The following KIRREL3 variants were observed in gnomAD, a reference collection of about 807,000 sequenced individuals.
KIRREL3 encodes kirre like nephrin family adhesion molecule 3.
In KIRREL3, 36 loss-of-function variants were observed where a neutral mutation model predicts 89.7. The ratio of observed to expected loss-of-function variants is 0.40; its 90% CI spans 0.31 to 0.53. KIRREL3 has a LOEUF of 0.53. Ranked by LOEUF, KIRREL3 falls within the 20% of genes least tolerant of loss-of-function variation. KIRREL3 has a pLI of 0.49. For missense variants in KIRREL3, 864 were observed against 1,056.6 expected, an observed-to-expected ratio of 0.82 and a Z score of 2.53; for synonymous variants, 445 against 441.4, an observed-to-expected ratio of 1.01 and a Z score of -0.10.
At position 126,788,793 on chromosome 11, in the gene KIRREL3, G is replaced by A. The variant is rs1448754417; in HGVS notation, c.55+211662C>T. On this transcript the variant is annotated intron_variant, in intron 1 of 16. Coordinates refer to ENST00000525144, the MANE Select transcript of KIRREL3 (RefSeq NM_032531.4). The surrounding 1 kb of genome is among the most constrained non-coding windows in gnomAD (Gnocchi z 4.1). ...CAGGCAGCTGCATGTTGTATTATCC[G>A]CATCATAGGGCAAGGAGAGAGAAAT... Among the ~76,000 whole-genome samples the A allele has an allele frequency of 1.3e-5, 2 of 152,122 alleles. No individual in the cohort carries two copies. Among genetic ancestry groups the A allele is most frequent in the African/African-American group, 4.8e-5 (2 of 41,412 alleles).
chr11:126,742,689 A>C lies in KIRREL3; in HGVS notation c.56-179777T>G, dbSNP rs537102243. On this transcript the variant is annotated intron_variant, in intron 1 of 16. Coordinates refer to ENST00000525144, the MANE Select transcript of KIRREL3 (RefSeq NM_032531.4). This position sits in a 1 kb window ranked among gnomAD's most constrained non-coding sequence, Gnocchi z 5.3. Reference sequence around the variant, plus strand: ...TAACTCCGAATTTTATTTTCTCTCAAATATATATCACCTAGCAGCTAAGAA... The same window carrying C: ...TAACTCCGAATTTTATTTTCTCTCACATATATATCACCTAGCAGCTAAGAA... Among the ~76,000 whole-genome samples, 1 of 152,166 alleles carries C rather than the reference A, an allele frequency of 6.6e-6. No homozygotes were observed. Among genetic ancestry groups the C allele is most frequent in the Non-Finnish European group, 1.5e-5 (1 of 68,026 alleles).
intron 1 of KIRREL3, among the ~76,000 whole-genome samples, chr11:126,815,965 C>T (rs925978237): frequency 6.6e-6 from 1 of 152,192 alleles, no homozygotes; most frequent in African/African-American, 2.4e-5. Context: ...CTTACAGATC[C>T]AGAGCTGAGT....
In KIRREL3 at chr11:126,677,908, C is replaced by G. The variant is rs112966868; in HGVS notation, c.56-114996G>C. Among the ~76,000 whole-genome samples the G allele has an allele frequency of 1.2e-4, 19 of 152,252 alleles. 3 individuals are homozygous for G. The highest frequency in any genetic ancestry group is 4.3e-4 in the African/African-American group (18 of 41,548). On this transcript the variant is annotated intron_variant, in intron 1 of 16. Coordinates refer to ENST00000525144, the MANE Select transcript of KIRREL3 (RefSeq NM_032531.4). This position sits in a 1 kb window ranked among gnomAD's most constrained non-coding sequence, Gnocchi z 5.1. The stretch of plus-strand genomic sequence containing the variant: ...CAGATGATTATGGCTGTTGTCACCA[C>G]CAAGCCCTGTCTTGTCATCAGCCTC...
Position 126,429,074 on chromosome 11 carries a change from G to A in KIRREL3, c.1806+105C>T. The A allele has an allele frequency of 1.1e-5, 8 of 717,388 alleles. No individual in the cohort carries two copies. Among genetic ancestry groups the A allele is most frequent in the South Asian group, 8.8e-5 (5 of 56,960 alleles). The allele number at this position is 717,388 out of a possible 1,614,324, so 44.4% of individuals were successfully genotyped here. On this transcript the variant is annotated intron_variant, in intron 15 of 16. Transcript: ENST00000525144. The surrounding 1 kb of genome is among the most constrained non-coding windows in gnomAD (Gnocchi z 5.2). ...GGGGTGGGCAGGGGGCATCTTGAAC[G>A]CTGCTCTGCTTTTTGGAAGCATCTA...
rs761691948 is a variant in KIRREL3, at chr11:126,609,306, G to A, written c.56-46394C>T. On this transcript the variant is annotated intron_variant, in intron 1 of 16. Transcript: ENST00000525144. This position sits in a 1 kb window ranked among gnomAD's most constrained non-coding sequence, Gnocchi z 5.0. ...CCTCTTGCAGAGAGGGCTAATGTAT[G>A]TCTTCCCCCCGGGCTGGTGGCTGGG... Among the ~76,000 whole-genome samples, 36 of 152,212 alleles carry A rather than the reference G, an allele frequency of 2.4e-4. No homozygotes were observed. The highest frequency in any genetic ancestry group is 9.6e-5 in the African/African-American group (4 of 41,458).
At chr11:126,511,811 C>T (rs1486806772) in intron 4 of KIRREL3, among the ~76,000 whole-genome samples, 1 of 152,216 alleles carries the variant, frequency 6.6e-6, no homozygotes, top group Non-Finnish European at 1.5e-5. Flanking sequence ...AGATTCATTG[C>T]CAGTTTTAAA....
intron 1 of KIRREL3, among the ~76,000 whole-genome samples, chr11:126,966,525 C>T (rs949326561): frequency 1.3e-5 from 2 of 152,168 alleles, no homozygotes; most frequent in Non-Finnish European, 2.9e-5. Context: ...CTGGCCTTCA[C>T]ACTTTAGGCC....
chr11:126,545,787 A>G (rs568862407), intron 2 of KIRREL3, among the ~76,000 whole-genome samples: 10 of 152,172 alleles, frequency 6.6e-5, no homozygotes. Context: ...TCTGGAGGGC[A>G]TTGGTGGTAG....
intron 1 of KIRREL3, among the ~76,000 whole-genome samples, chr11:126,613,893 T>TTTTTTTTTTTTTTTTTTTTTTTTTTTTTG (rs371748740): frequency 1.7e-5 from 2 of 118,644 alleles, no homozygotes; most frequent in Non-Finnish European, 3.4e-5. Context: ...TTTTTTTTTT[T>TTTTTTTTTTTTTTTTTTTTTTTTTTTTTG]ATTTTTTTCC....
intron 1 of KIRREL3, among the ~76,000 whole-genome samples, chr11:126,792,692 C>G (rs960531111): frequency 6.6e-6 from 1 of 152,108 alleles, no homozygotes; most frequent in Non-Finnish European, 1.5e-5. Flanking sequence ...GCACACAATG[C>G]GATTAACAAT....
intron 1 of KIRREL3, among the ~76,000 whole-genome samples, chr11:126,662,456 A>G (rs4937175): frequency 0.31 from 46,999 of 152,086 alleles, 7,529 homozygotes; most frequent in Admixed American, 0.4. Context: ...TATTTCTTAC[A>G]GTTCTAGAGG....
Position 126,642,263 on chromosome 11 carries a change from T to C in KIRREL3, c.56-79351A>G, listed in dbSNP as rs1332000641. On this transcript the variant is annotated intron_variant, in intron 1 of 16. Coordinates refer to ENST00000525144, the MANE Select transcript of KIRREL3 (RefSeq NM_032531.4). This position sits in a 1 kb window ranked among gnomAD's most constrained non-coding sequence, Gnocchi z 4.9. ...TGGTCTCATTGGGGTTGGTGGTTAG[T>C]TCTCACTTTCCCCATTTCTGAGACC... is the stretch of plus-strand genomic sequence containing the variant. Among the ~76,000 whole-genome samples, 1 of 152,216 alleles carries C rather than the reference T, an allele frequency of 6.6e-6. No individual in the cohort carries two copies. The highest frequency in any genetic ancestry group is 2.4e-5 in the African/African-American group (1 of 41,454).
Position 126,867,170 on chromosome 11 carries a change from T to C in KIRREL3, c.55+133285A>G, listed in dbSNP as rs1944953157. On this transcript the variant is annotated intron_variant, in intron 1 of 16. Coordinates refer to ENST00000525144, the MANE Select transcript of KIRREL3 (RefSeq NM_032531.4). The surrounding 1 kb of genome is among the most constrained non-coding windows in gnomAD (Gnocchi z 4.7). ...AAAAACGTTCCCCACAATCTGCCTGTCTGCCTGCTCCCCCCAGGGGTTTGA... is the reference window on the plus strand; with the variant it reads ...AAAAACGTTCCCCACAATCTGCCTGCCTGCCTGCTCCCCCCAGGGGTTTGA... Among the ~76,000 whole-genome samples the C allele has an allele frequency of 6.6e-6, 1 of 152,242 alleles. No individual in the cohort carries two copies. Among genetic ancestry groups the C allele is most frequent in the South Asian group, 2.1e-4 (1 of 4,832 alleles).
At chr11:126,781,671 G>A (rs1437602208) in intron 1 of KIRREL3, among the ~76,000 whole-genome samples, 1 of 152,098 alleles carries the variant, frequency 6.6e-6, no homozygotes, top group African/African-American at 2.4e-5. Context: ...CATTGTGGAA[G>A]GTGCCCTTGA....
At chr11:126,554,545 A>G (rs1443348358) in intron 2 of KIRREL3, among the ~76,000 whole-genome samples, 2 of 152,138 alleles carry the variant, frequency 1.3e-5, no homozygotes, top group African/African-American at 4.8e-5. Context: ...ATGATTGTCA[A>G]ATTATCCAGT....
At position 126,860,162 on chromosome 11, in the gene KIRREL3, C is replaced by T. The variant is rs1437765261; in HGVS notation, c.55+140293G>A. Among the ~76,000 whole-genome samples, 1 of 152,100 alleles carries T rather than the reference C, an allele frequency of 6.6e-6. No individual in the cohort carries two copies. Among genetic ancestry groups the T allele is most frequent in the East Asian group, 1.9e-4 (1 of 5,180 alleles). ...GATGATATTGGAATTAATTTCAATA[C>T]AACAAACAGGTAACGAGCATTTGTG... On this transcript the variant is annotated intron_variant, in intron 1 of 16. Transcript: ENST00000525144. This position sits in a 1 kb window ranked among gnomAD's most constrained non-coding sequence, Gnocchi z 4.6.
intron 2 of KIRREL3, among the ~76,000 whole-genome samples, chr11:126,540,587 A>G (rs1011692117): frequency 2.0e-5 from 3 of 152,210 alleles, no homozygotes; most frequent in African/African-American, 7.2e-5. Flanking sequence ...CAAAGCCTGC[A>G]CTGTACTCAT....
In KIRREL3 at chr11:126,696,601, G is replaced by A. The variant is rs1327340208; in HGVS notation, c.56-133689C>T. 6.6e-6 allele frequency among the ~76,000 whole-genome samples: 1 copy of A among 152,152 alleles called. No homozygotes were observed. Among genetic ancestry groups the A allele is most frequent in the East Asian group, 1.9e-4 (1 of 5,188 alleles). On this transcript the variant is annotated intron_variant, in intron 1 of 16. Transcript: ENST00000525144. The surrounding 1 kb of genome is among the most constrained non-coding windows in gnomAD (Gnocchi z 4.4). The stretch of plus-strand genomic sequence containing the variant: ...CTCCACGTGATCCCCAAACGTTGCT[G>A]ATCAACACACCACAGCTGGAATCCA...
chr11:126,644,168 A>C (rs1944575251), intron 1 of KIRREL3, among the ~76,000 whole-genome samples: 1 of 152,222 alleles, frequency 6.6e-6, no homozygotes, highest in African/African-American at 2.4e-5. Flanking sequence ...AGCATGGTAG[A>C]TTGAAGTAGA....
Sources: allele counts gnomAD v4.1 joint callset (sites outside exome capture counted in the v4.1 genomes callset), GRCh38; gene constraint gnomAD v4.1.1; non-coding constraint Gnocchi (gnomAD v3.1); transcripts MANE v1.5; gene names NCBI Gene and HGNC (gene_info 2026-07-23, HGNC 2026-07-21).